The following AP1B1 variants were observed in gnomAD, a reference collection of about 807,000 sequenced individuals.
AP1B1 encodes the protein AP-1 complex subunit beta-1.
In AP1B1, 36 loss-of-function variants were observed where a neutral mutation model predicts 104.3. The ratio of observed to expected loss-of-function variants is 0.35; its 90% CI spans 0.26 to 0.46. AP1B1 has a LOEUF of 0.46. AP1B1 is among the 20% of genes least tolerant of loss of function. AP1B1 has a pLI of 1.00. For missense variants in AP1B1, 901 were observed against 1,247.9 expected (o/e 0.72, Z 4.19); for synonymous variants, 504 against 517.5 (o/e 0.97, Z 0.35).
At chr22:29,340,577 G>A (rs1260240566) in intron 14 of AP1B1, 79 bp downstream of exon 14, 2 of 1,400,332 alleles carry the variant, frequency 1.4e-6, no homozygotes, top group African/African-American at 1.4e-5. Context: ...CTCAGCTGGT[G>A]CCTGGCATGG....
In AP1B1 at chr22:29,341,663, T is replaced by C. The variant is rs1414358869; in HGVS notation, c.1634A>G (p.Lys545Arg). The change falls in exon 13 of 23, where the codon AAG becomes AGG. Residue 545 changes from lysine to arginine, a missense_variant. Physicochemically the swap from Lys to Arg is conservative, Grantham distance 26. This residue lies in a region of AP1B1 where 471 missense variants were observed against 696.7 expected (regional missense o/e 0.68). Coordinates refer to ENST00000357586, the MANE Select transcript of AP1B1 (RefSeq NM_001127.4). ...GTCCGTCTCTTCAGAGATGAGTGGC[T>C]TCTCAGCCAACACCACCTCCTTGGC... The part of the protein sequence containing the change: ...VAAKEVVLAE[K>R]PLISEETDLI... 6.2e-7 allele frequency: 1 copy of C among 1,614,214 alleles called. No individual in the cohort carries two copies. The highest frequency in any genetic ancestry group is 1.7e-5 in the Admixed American group (1 of 60,028).
intron 3 of AP1B1, 34 bp from the exon 4 acceptor site, chr22:29,359,993 GCTGAA>G: frequency 1.3e-6 from 2 of 1,599,592 alleles, no homozygotes; most frequent in East Asian, 4.5e-5. Flanking sequence ...CATGGGAAAG[GCTGAA>G]CAAAGGAAGA....
intron 9 of AP1B1, 49 bp from the exon 10 acceptor site, chr22:29,350,199 A>T (rs2061853577): frequency 1.3e-6 from 2 of 1,483,210 alleles, no homozygotes; most frequent in South Asian, 1.1e-5. Context: ...CCCCATTTCC[A>T]GTAGAGCCTC....
At chr22:29,354,593 C>T (rs2061926239) in intron 7 of AP1B1, 57 bp downstream of exon 7, 1 of 1,533,576 alleles carries the variant, frequency 6.5e-7, no homozygotes, top group Non-Finnish European at 9.0e-7. Flanking sequence ...CCCCCATTCC[C>T]AGCAGAAGAG....
At chr22:29,381,599 T>G (rs2062437721) in intron 1 of AP1B1, among the ~76,000 whole-genome samples, 1 of 152,236 alleles carries the variant, frequency 6.6e-6, no homozygotes, top group African/African-American at 2.4e-5. Context: ...ATACTGAAAT[T>G]GAACATGCCA....
At chr22:29,373,343 T>A (rs2062273503) in intron 1 of AP1B1, among the ~76,000 whole-genome samples, 1 of 152,182 alleles carries the variant, frequency 6.6e-6, no homozygotes, top group Middle Eastern at 3.2e-3. Flanking sequence ...ATATTTCTTC[T>A]GACAAGGGCT....
intron 1 of AP1B1, among the ~76,000 whole-genome samples, chr22:29,384,217 G>C (rs1011920301): frequency 3.3e-5 from 5 of 152,166 alleles, no homozygotes; most frequent in Non-Finnish European, 5.9e-5. Context: ...CCTGATAAAT[G>C]TTAGCCACTA....
chr22:29,338,169 A>G (rs896386153), intron 16 of AP1B1, among the ~76,000 whole-genome samples: 2 of 152,200 alleles, frequency 1.3e-5, no homozygotes, highest in Non-Finnish European at 2.9e-5. Flanking sequence ...CCACCCCACA[A>G]CAAGCAACTG....
At chr22:29,351,125 GC>G (rs1473878533) in intron 9 of AP1B1, 45 bp downstream of exon 9, 2 of 1,550,404 alleles carry the variant, frequency 1.3e-6, no homozygotes, top group Admixed American at 3.5e-5. Context: ...CCCGGTTTCA[GC>G]CCCCTTTTCC....
At position 29,328,269 on chromosome 22, in the gene AP1B1, G is replaced by A. The variant is rs8140166; in HGVS notation, c.*552C>T. On this transcript the variant is annotated 3_prime_UTR_variant, in exon 23 of 23. Transcript: ENST00000357586. The surrounding 1 kb of genome is among the most constrained non-coding windows in gnomAD (Gnocchi z 4.1). ...ACCAGCCTGGTGGTTGCAAGTGGGT[G>A]GTGCAGGCCCTGGGCTCCTCCCAGC... The A allele has an allele frequency of 0.024, 3,738 of 153,060 alleles. 163 individuals are homozygous for A. The highest frequency in any genetic ancestry group is 0.084 in the African/African-American group (3,510 of 41,550). The allele number at this position is 153,060 out of a possible 1,614,324, so 9.5% of individuals were successfully genotyped here. A position where few individuals can be genotyped will look rare whatever the true frequency, so the allele number is the denominator to read the frequency against.
At chr22:29,360,916 C>A (rs1308126565) in intron 3 of AP1B1, among the ~76,000 whole-genome samples, 1 of 152,188 alleles carries the variant, frequency 6.6e-6, no homozygotes, top group Non-Finnish European at 1.5e-5. Context: ...TCAAAGTGAA[C>A]TTCCTGATCC....
intron 8 of AP1B1, 38 bp from the exon 9 acceptor site, chr22:29,351,304 G>A: frequency 6.2e-7 from 1 of 1,600,838 alleles, no homozygotes; most frequent in Non-Finnish European, 8.6e-7. Context: ...TGGGGCACCT[G>A]ATGGGGCAAT....
Position 29,349,352 on chromosome 22 carries a change from T to G in AP1B1, c.1303A>C (p.Asn435His), listed in dbSNP as rs1465468340. The G allele has an allele frequency of 1.2e-6, 2 of 1,614,014 alleles. No individual in the cohort carries two copies. Among genetic ancestry groups the G allele is most frequent in the Non-Finnish European group, 1.7e-6 (2 of 1,180,012 alleles). The change falls in exon 11 of 23, where the codon AAT becomes CAT. Residue 435 changes from asparagine to histidine, a missense_variant. Asn to His is a moderately conservative substitution (Grantham distance 68). Coordinates refer to ENST00000357586, the MANE Select transcript of AP1B1 (RefSeq NM_001127.4). ...YESVIATLCENLDSLDEPEAR... is the reference protein window; with the variant it reads ...YESVIATLCEHLDSLDEPEAR... ...TCAGGCTCATCCAGGGAGTCCAGATTCTCACACAGTGTGGCAATCACACTC... is the reference window on the plus strand; with the variant it reads ...TCAGGCTCATCCAGGGAGTCCAGATGCTCACACAGTGTGGCAATCACACTC...
Position 29,334,271 on chromosome 22 carries a change from C to A in AP1B1, c.2303G>T (p.Arg768Leu). The change falls in exon 17 of 23, where the codon CGC (arginine) becomes CTC (leucine). Residue 768 changes from arginine to leucine, a missense_variant. This residue lies in a region of AP1B1 where 424 missense variants were observed against 494.0 expected (regional missense o/e 0.86). Transcript: ENST00000357586. ...VMTDFAIQFNRNSFGLAPAAP... is the reference protein window; with the variant it reads ...VMTDFAIQFNLNSFGLAPAAP... ...GGCCTCAGGGAGCTCTCACCTGTTG[C>A]GGTTGAACTGGATGGCAAAGTCGGT... The A allele has an allele frequency of 6.3e-7, 1 of 1,596,652 alleles. No individual in the cohort carries two copies. Among genetic ancestry groups the A allele is most frequent in the South Asian group, 1.1e-5 (1 of 88,776 alleles).
chr22:29,330,317 C>A (rs370402901), intron 21 of AP1B1, 61 bp downstream of exon 21: 2 of 1,602,198 alleles, frequency 1.2e-6, no homozygotes, highest in East Asian at 2.2e-5. Flanking sequence ...ACCAGGGCCA[C>A]CCCCTGGCAT....
intron 19 of AP1B1, 28 bp from the exon 20 acceptor site, chr22:29,330,737 A>G (rs2061545274): frequency 6.3e-7 from 1 of 1,587,894 alleles, no homozygotes. Flanking sequence ...TGGGGATGAG[A>G]GGCGAGCCCC....
At position 29,328,803 on chromosome 22, in the gene AP1B1, T is replaced by C. The variant is rs6006095; in HGVS notation, c.*18A>G. 45,607 of 1,596,106 alleles carry C rather than the reference T, an allele frequency of 0.029. 1,240 individuals are homozygous for C. The highest frequency in any genetic ancestry group is 0.14 in the African/African-American group (10,554 of 74,570). On this transcript the variant is annotated 3_prime_UTR_variant, in exon 23 of 23. Transcript: ENST00000357586. This position sits in a 1 kb window ranked among gnomAD's most constrained non-coding sequence, Gnocchi z 4.1. ...CGATGGGGCGGGCAGAAGGCTGGGGTGGGCGCTGGCCGGGGTCTCAGTTCT... is the reference window on the plus strand; with the variant it reads ...CGATGGGGCGGGCAGAAGGCTGGGGCGGGCGCTGGCCGGGGTCTCAGTTCT...
At chr22:29,383,889 C>G (rs750116260) in intron 1 of AP1B1, among the ~76,000 whole-genome samples, 1 of 152,114 alleles carries the variant, frequency 6.6e-6, no homozygotes, top group Non-Finnish European at 1.5e-5. Flanking sequence ...CTAGGAGAGG[C>G]CTCCCTTCCT....
intron 22 of AP1B1, chr22:29,329,192 C>G (rs1000678886): frequency 1.6e-6 from 2 of 1,246,526 alleles, no homozygotes; most frequent in East Asian, 4.1e-5. Context: ...GCCCGGCCCC[C>G]ACCCTGAGGG....
Sources: allele counts gnomAD v4.1 joint callset (sites outside exome capture counted in the v4.1 genomes callset), GRCh38; gene constraint gnomAD v4.1.1; regional missense constraint gnomAD v4.1.1; non-coding constraint Gnocchi (gnomAD v3.1); transcripts MANE v1.5; gene names NCBI Gene and HGNC (gene_info 2026-07-23, HGNC 2026-07-21).